The following VAPA variants were observed in gnomAD, a reference collection of about 807,000 sequenced individuals.
VAPA encodes VAMP associated protein A, also known as vesicle-associated membrane protein-associated protein A.
In VAPA, 6 loss-of-function variants were observed where a neutral mutation model predicts 25.6. The ratio of observed to expected loss-of-function variants is 0.23; its 90% CI spans 0.13 to 0.46. The LOEUF is 0.46. Ranked by LOEUF, VAPA falls within the 20% of genes least tolerant of loss-of-function variation. The probability of loss-of-function intolerance (pLI) is 0.99; values close to 1 mark genes in which losing one functional copy is unlikely to be tolerated. For missense variants in VAPA, 244 were observed against 302.1 expected, an observed-to-expected ratio of 0.81 and a Z score of 1.43; for synonymous variants, 112 against 106.2, an observed-to-expected ratio of 1.05 and a Z score of -0.34.
chr18:9,927,316 A>C (rs1314154553), intron 1 of VAPA, among the ~76,000 whole-genome samples: 1 of 152,110 alleles, frequency 6.6e-6, no homozygotes, highest in Non-Finnish European at 1.5e-5. Context: ...AATTTTTCAT[A>C]ATAAAATGTT....
At chr18:9,933,562 G>A (rs1239931928) in intron 2 of VAPA, among the ~76,000 whole-genome samples, 1 of 152,186 alleles carries the variant, frequency 6.6e-6, no homozygotes, top group African/African-American at 2.4e-5. Flanking sequence ...TTTTGAGACA[G>A]TGTCTTGCTT....
In VAPA at chr18:9,958,008, A is replaced by T. The variant is rs1318637023; in HGVS notation, c.*3797A>T. On this transcript the variant is annotated 3_prime_UTR_variant, in exon 6 of 6. Transcript: ENST00000400000. ...AAGTATAAACATATATCACTAAGGA[A>T]AAAGAAAGTTTGTCTTGCCCTTCTG... 1.3e-5 allele frequency: 2 copies of T among 152,236 alleles called. No individual in the cohort carries two copies. The highest frequency in any genetic ancestry group is 2.9e-5 in the Non-Finnish European group (2 of 68,044). 9.4% of individuals were successfully genotyped at this position (152,236 alleles called of 1,614,324 possible).
At chr18:9,948,467 G>A (rs909296853) in intron 4 of VAPA, 11 of 152,002 alleles carry the variant, frequency 7.2e-5, no homozygotes, top group South Asian at 4.2e-4. Flanking sequence ...CCTTCCCTCC[G>A]TAATTTAAAA....
chr18:9,927,474 CTTTT>C (rs74852348), intron 1 of VAPA, among the ~76,000 whole-genome samples: 2 of 135,688 alleles, frequency 1.5e-5, no homozygotes, highest in Admixed American at 1.5e-4. Context: ...TACAGTGGTT[CTTTT>C]TTTTTTTTTT....
Position 9,954,161 on chromosome 18 carries a change from G to C in VAPA, c.700G>C (p.Val234Leu). 5 of 1,613,514 alleles carry C rather than the reference G, an allele frequency of 3.1e-6. No homozygotes were observed. In the South Asian group the frequency reaches 3.3e-5, roughly 11 times the overall value. ...CAGTCCTCTTCCTTCACTTCTTGTT[G>C]TAATTGCAGCCATTTTCATTGGATT... is the stretch of plus-strand genomic sequence containing the variant. ...VTSPLPSLLV[V>L]IAAIFIGFFL... The change falls in exon 6 of 6, where the codon GTA becomes CTA. Residue 234 changes from valine to leucine, a missense_variant. Physicochemically the swap from Val to Leu is conservative, Grantham distance 32. Coordinates refer to ENST00000400000, the MANE Select transcript of VAPA (RefSeq NM_194434.3).
At chr18:9,953,686 T>C (rs1175146994) in intron 5 of VAPA, among the ~76,000 whole-genome samples, 1 of 152,206 alleles carries the variant, frequency 6.6e-6, no homozygotes, top group African/African-American at 2.4e-5. Context: ...TCTTTAATTA[T>C]ATTTTTAGTG....
At chr18:9,946,799 A>T (rs945372257) in intron 4 of VAPA, among the ~76,000 whole-genome samples, 2 of 152,070 alleles carry the variant, frequency 1.3e-5, no homozygotes, top group South Asian at 2.1e-4. Flanking sequence ...ATTTATTAAA[A>T]TTTTTTTCTT....
intron 4 of VAPA, among the ~76,000 whole-genome samples, chr18:9,945,919 G>A (rs573050248): frequency 2.6e-5 from 4 of 151,978 alleles, no homozygotes; most frequent in African/African-American, 7.2e-5. Context: ...TGCCTCTCTC[G>A]GTTTATGACA....
chr18:9,950,567 G>A lies in VAPA; in HGVS notation c.590G>A (p.Arg197Lys). ...CTATCAGAAGAAAATCGGCACCTGA[G>A]AGTAAGTTCTGTTGGTTGAAAATAA... is the stretch of plus-strand genomic sequence containing the variant. ...MKLSEENRHL[R>K]DEGLRLRKVA... Residue 197 changes from arginine (R) to lysine (K), a missense_variant and splice_region_variant, in exon 5 of 6, where the codon AGA becomes AAA. This residue lies in a region of VAPA where 145 missense variants were observed against 140.6 expected (regional missense o/e 1.03). Coordinates refer to ENST00000400000, the MANE Select transcript of VAPA (RefSeq NM_194434.3). The A allele has an allele frequency of 6.2e-7, 1 of 1,611,820 alleles. No individual in the cohort carries two copies. Among genetic ancestry groups the A allele is most frequent in the Non-Finnish European group, 8.5e-7 (1 of 1,179,448 alleles).
chr18:9,927,162 T>G (rs937897630), intron 1 of VAPA, among the ~76,000 whole-genome samples: 1 of 152,272 alleles, frequency 6.6e-6, no homozygotes, highest in African/African-American at 2.4e-5. Flanking sequence ...TGTCTTCAGC[T>G]TAGTTTGATG....
rs1295798041 is a variant in VAPA, at chr18:9,953,904, T to C, written c.592-149T>C. 2.4e-5 allele frequency: 21 copies of C among 862,622 alleles called. No individual in the cohort carries two copies. In the South Asian group the frequency reaches 3.4e-4, roughly 14 times the overall value. 53.4% of individuals were successfully genotyped at this position (862,622 alleles called of 1,614,324 possible). A position where few individuals can be genotyped will look rare whatever the true frequency, so the allele number is the denominator to read the frequency against. On this transcript the variant is annotated intron_variant, in intron 5 of 5. Transcript: ENST00000400000. ...GAATGTCTATCACCCCCGGAAAGTT[T>C]CCTTATGTGGTTAGCAGTTAATCCC...
At chr18:9,933,194 A>C (rs1489962887) in intron 2 of VAPA, among the ~76,000 whole-genome samples, 1 of 152,154 alleles carries the variant, frequency 6.6e-6, no homozygotes, top group Admixed American at 6.5e-5. Flanking sequence ...AGTCCACAGC[A>C]GAATTGGGTA....
chr18:9,933,352 A>G (rs112055800), intron 2 of VAPA, among the ~76,000 whole-genome samples: 1 of 152,222 alleles, frequency 6.6e-6, no homozygotes, highest in South Asian at 2.1e-4. Context: ...AGAGCTAGGA[A>G]AAAGATGTTT....
At chr18:9,927,528 T>G (rs2069211245) in intron 1 of VAPA, among the ~76,000 whole-genome samples, 2 of 151,518 alleles carry the variant, frequency 1.3e-5, no homozygotes, top group Admixed American at 1.3e-4. Context: ...CTTTTAAGAC[T>G]GGGTGGTTTG....
chr18:9,939,844 C>CA (rs1407768490), intron 4 of VAPA, among the ~76,000 whole-genome samples: 10 of 152,262 alleles, frequency 6.6e-5, no homozygotes, highest in African/African-American at 2.4e-4. Context: ...AAACAGCCTC[C>CA]ACAACAAAGA....
chr18:9,942,927 A>T (rs866775607), intron 4 of VAPA, among the ~76,000 whole-genome samples: 2 of 152,348 alleles, frequency 1.3e-5, no homozygotes, highest in Middle Eastern at 6.8e-3. Context: ...ACACAGATCC[A>T]AACCATATCA....
rs556946686 is a variant in VAPA at position 9,934,767 on chromosome 18, T to TA, written c.233-1342dup. On this transcript the variant is annotated intron_variant, in intron 2 of 5. Transcript: ENST00000400000. ...CATGTTACATAAATTTAGCATGACT[T>TA]ACAACCACATGGAACCTTAGAAAAC... Among the ~76,000 whole-genome samples the TA allele has an allele frequency of 1.1e-4, 16 of 152,302 alleles. No homozygotes were observed. In the South Asian group the frequency reaches 2.9e-3, roughly 28 times the overall value.
chr18:9,932,790 G>A (rs898427805), intron 2 of VAPA, among the ~76,000 whole-genome samples: 6 of 152,154 alleles, frequency 3.9e-5, no homozygotes, highest in Admixed American at 1.3e-4. Flanking sequence ...TCCCAGATTG[G>A]AATCTCTAGG....
intron 1 of VAPA, among the ~76,000 whole-genome samples, chr18:9,918,175 CAG>C (rs1316491049): frequency 5.9e-5 from 9 of 152,162 alleles, no homozygotes; most frequent in African/African-American, 1.9e-4. Flanking sequence ...CCTTATGACT[CAG>C]ACCATGTTCC....
Sources: allele counts gnomAD v4.1 joint callset (sites outside exome capture counted in the v4.1 genomes callset), GRCh38; gene constraint gnomAD v4.1.1; regional missense constraint gnomAD v4.1.1; transcripts MANE v1.5; gene names NCBI Gene and HGNC (gene_info 2026-07-23, HGNC 2026-07-21).